Variants in HERC1 observed in about 807,000 individuals in gnomAD.
HERC1 encodes the protein probable E3 ubiquitin-protein ligase HERC1.
Under a neutral mutation model 554.3 loss-of-function variants are expected in HERC1, and 160 were observed. The ratio of observed to expected loss-of-function variants is 0.29; its 90% CI spans 0.25 to 0.33. HERC1 has a LOEUF of 0.33. HERC1 is among the 10% of genes least tolerant of loss of function. The probability of loss-of-function intolerance (pLI) is 1.00; values close to 1 mark genes in which losing one functional copy is unlikely to be tolerated. For missense variants in HERC1, 4,919 were observed against 5,918.5 expected, an observed-to-expected ratio of 0.83 and a Z score of 5.54; for synonymous variants, 2,175 against 2,131.7, an observed-to-expected ratio of 1.02 and a Z score of -0.56.
At position 63,674,993 on chromosome 15, in the gene HERC1, G is replaced by A. The variant is rs2071121171; in HGVS notation, c.7195C>T (p.Leu2399Phe). 2 of 1,613,924 alleles carry A rather than the reference G, an allele frequency of 1.2e-6. No individual in the cohort carries two copies. Among genetic ancestry groups the A allele is most frequent in the African/African-American group, 1.3e-5 (1 of 74,934 alleles). ...CCCATGTCTTCATGAACGCCAGTGA[G>A]ATATGTTAGGTCCAGCAGCACAGAA... ...TASVLLDLTY[L>F]TGVHEDMGKQ... The change falls in exon 38 of 78, where the codon CTC becomes TTC. Residue 2399 changes from leucine to phenylalanine, a missense_variant. Transcript: ENST00000443617.
chr15:63,712,812 A>C lies in HERC1; in HGVS notation c.4547T>G (p.Leu1516Trp). Residue 1516 changes from leucine to tryptophan, a missense_variant, in exon 24 of 78, where the codon TTG (leucine) becomes TGG (tryptophan). Transcript: ENST00000443617. The part of the protein sequence containing the change: ...RLIKSRSESD[L>W]SQPESDEEGY... ...CTCTTCATCTGATTCAGGCTGAGACAAATCAGATTCACTCCTCGATTTGAT... is the reference window on the plus strand; with the variant it reads ...CTCTTCATCTGATTCAGGCTGAGACCAATCAGATTCACTCCTCGATTTGAT... 1 of 1,613,820 alleles carries C rather than the reference A, an allele frequency of 6.2e-7. No individual in the cohort carries two copies. The highest frequency in any genetic ancestry group is 8.5e-7 in the Non-Finnish European group (1 of 1,179,748).
intron 12 of HERC1, among the ~76,000 whole-genome samples, chr15:63,735,869 T>C (rs979407434): frequency 6.6e-6 from 1 of 152,182 alleles, no homozygotes; most frequent in Non-Finnish European, 1.5e-5. Context: ...GACAAATCTT[T>C]AATGACTTTC....
Position 63,615,804 on chromosome 15 carries a change from C to T in HERC1, c.14058G>A (p.Arg4686=), listed in dbSNP as rs368591079. The T allele has an allele frequency of 1.6e-5, 25 of 1,605,700 alleles. No individual in the cohort carries two copies. Among genetic ancestry groups the T allele is most frequent in the Non-Finnish European group, 2.1e-5 (25 of 1,177,272 alleles). Residue 4686 remains arginine, a synonymous_variant, in exon 76 of 78, where the codon AGG becomes AGA. Transcript: ENST00000443617. The part of the protein sequence containing the change: ...TFSNRKEYVE[R]AIEYRLHEMD... ...TCTCATGAAGTCGATATTCAATGGCCCTCTCCACATATTCCTTCCTGTTGG... is the reference window on the plus strand; with the variant it reads ...TCTCATGAAGTCGATATTCAATGGCTCTCTCCACATATTCCTTCCTGTTGG...
chr15:63,653,665 A>C (rs1339408667), intron 51 of HERC1, among the ~76,000 whole-genome samples: 1 of 152,178 alleles, frequency 6.6e-6, no homozygotes. Context: ...ATGTAATTTA[A>C]ATCATCTCAT....
chr15:63,658,468 C>G (rs750957858), intron 48 of HERC1, 76 bp downstream of exon 48: 12 of 1,350,560 alleles, frequency 8.9e-6, no homozygotes, highest in African/African-American at 1.5e-5. Context: ...ATCTCACCCT[C>G]CCAAACACCA....
intron 3 of HERC1, among the ~76,000 whole-genome samples, chr15:63,763,734 C>T (rs769089038): frequency 5.1e-4 from 77 of 151,810 alleles, no homozygotes; most frequent in Non-Finnish European, 9.4e-4. Context: ...AGGGCTTCTG[C>T]AATGACTAAG....
At position 63,651,346 on chromosome 15, in the gene HERC1, T is replaced by G. The variant is rs2069665070; in HGVS notation, c.10453A>C (p.Ser3485Arg). ...GDAEESLGSP[S>R]DPSFSPVSWS... is the part of the protein sequence containing the mutation. Reference sequence around the variant, plus strand: ...GAAACTGGTGAGAAACTTGGATCACTGGGTGATCCCAGGCTTTCCTCAGCA... The same window carrying G: ...GAAACTGGTGAGAAACTTGGATCACGGGGTGATCCCAGGCTTTCCTCAGCA... Residue 3485 changes from serine to arginine, a missense_variant, in exon 53 of 78, where the codon AGT becomes CGT. Physicochemically the swap from Ser to Arg is moderately radical, Grantham distance 110. Around this residue, in one of 11 missense-constraint regions of HERC1, gnomAD observed 1,963 missense variants for 2,228.6 expected, o/e 0.88. Coordinates refer to ENST00000443617, the MANE Select transcript of HERC1 (RefSeq NM_003922.4). 6.2e-7 allele frequency: 1 copy of G among 1,612,602 alleles called. No homozygotes were observed. Among genetic ancestry groups the G allele is most frequent in the Non-Finnish European group, 8.5e-7 (1 of 1,178,574 alleles).
rs192114590 is a variant in HERC1, at chr15:63,731,705, A to C, written c.2868+1219T>G. ...GTATTGGAAGAAAAAGAGTACGTAGACCAGACCCTGAAGAGCCACAGGAAA... is the reference window on the plus strand; with the variant it reads ...GTATTGGAAGAAAAAGAGTACGTAGCCCAGACCCTGAAGAGCCACAGGAAA... On this transcript the variant is annotated intron_variant, in intron 14 of 77. Transcript: ENST00000443617. 2.3e-3 allele frequency among the ~76,000 whole-genome samples: 351 copies of C among 152,314 alleles called. 1 individual carries two copies. The highest frequency in any genetic ancestry group is 8.0e-3 in the African/African-American group (331 of 41,554).
chr15:63,609,123 C>T lies in HERC1; in HGVS notation c.14544G>A (p.Ser4848=), dbSNP rs773811862. ...RSIDMDNYML[S]RNVDNAEGSD... ...AGCCCTCGGCGTTGTCCACGTTTCTCGAGAGCATGTAGTTGTCCATGTCGA... is the reference window on the plus strand; with the variant it reads ...AGCCCTCGGCGTTGTCCACGTTTCTTGAGAGCATGTAGTTGTCCATGTCGA... The change falls in exon 78 of 78, where the codon TCG becomes TCA. Residue 4848 remains serine, a synonymous_variant. Coordinates refer to ENST00000443617, the MANE Select transcript of HERC1 (RefSeq NM_003922.4). 7.4e-6 allele frequency: 12 copies of T among 1,613,774 alleles called. No homozygotes were observed. Among genetic ancestry groups the T allele is most frequent in the African/African-American group, 2.7e-5 (2 of 74,940 alleles).
In HERC1 at chr15:63,652,870, G is replaced by A. The variant is rs138325997; in HGVS notation, c.10291-329C>T. ...TCGCCATGATGGCCAGGCTGGTCTCGAATGCCTGGCCTCAAGTGATCCGCC... is the reference window on the plus strand; with the variant it reads ...TCGCCATGATGGCCAGGCTGGTCTCAAATGCCTGGCCTCAAGTGATCCGCC... On this transcript the variant is annotated intron_variant, in intron 51 of 77. Coordinates refer to ENST00000443617, the MANE Select transcript of HERC1 (RefSeq NM_003922.4). Among the ~76,000 whole-genome samples, 933 of 152,162 alleles carry A rather than the reference G, an allele frequency of 6.1e-3. 12 individuals carry two copies. Among genetic ancestry groups the A allele is most frequent in the African/African-American group, 0.021 (892 of 41,490 alleles).
At chr15:63,613,273 G>A (rs2067679542) in intron 76 of HERC1, among the ~76,000 whole-genome samples, 1 of 152,194 alleles carries the variant, frequency 6.6e-6, no homozygotes, top group Admixed American at 6.5e-5. Flanking sequence ...CTGTGTGACT[G>A]GGTAATTCTA....
rs549000849 is a variant in HERC1, at chr15:63,833,345, C to T, written c.-27+482G>A. On this transcript the variant is annotated intron_variant, in intron 1 of 77. Coordinates refer to ENST00000443617, the MANE Select transcript of HERC1 (RefSeq NM_003922.4). ...GTCCCAGCCTCCACCCCGCTAAAGG[C>T]GGCCGGCGCCTGGGGACACCGGGGT... is the stretch of plus-strand genomic sequence containing the variant. Among the ~76,000 whole-genome samples, 208 of 152,324 alleles carry T rather than the reference C, an allele frequency of 1.4e-3. 1 individual carries two copies. Among genetic ancestry groups the T allele is most frequent in the South Asian group, 9.5e-3 (46 of 4,826 alleles).
intron 1 of HERC1, among the ~76,000 whole-genome samples, chr15:63,804,264 G>A (rs903008209): frequency 2.0e-5 from 3 of 152,168 alleles, no homozygotes; most frequent in African/African-American, 7.2e-5. Flanking sequence ...AGCTAGACCT[G>A]ATCTAAATTA....
intron 1 of HERC1, among the ~76,000 whole-genome samples, chr15:63,811,400 T>C (rs752073704): frequency 1.3e-5 from 2 of 152,160 alleles, no homozygotes; most frequent in Non-Finnish European, 2.9e-5. Flanking sequence ...TTTGTGAATC[T>C]AGGTGAAAAG....
rs752224312 is a variant in HERC1, at chr15:63,652,519, T to C, written c.10313A>G (p.Asn3438Ser). 4 of 1,599,408 alleles carry C rather than the reference T, an allele frequency of 2.5e-6. No individual in the cohort carries two copies. The South Asian group carries it at 4.5e-5, about 18-fold the overall frequency. ...ACTTGTAGCCAAAAGACCTTTTTTATTACACCAAACACATGTCATTACCTA... is the reference window on the plus strand; with the variant it reads ...ACTTGTAGCCAAAAGACCTTTTTTACTACACCAAACACATGTCATTACCTA... Reference protein sequence around the residue: ...QNRVMTCVWCNKKGLLATSGN... With the variant: ...QNRVMTCVWCSKKGLLATSGN... Residue 3438 changes from asparagine to serine, a missense_variant, in exon 52 of 78, where the codon AAT becomes AGT. By Grantham distance (46) the Asn-to-Ser change is conservative. Coordinates refer to ENST00000443617, the MANE Select transcript of HERC1 (RefSeq NM_003922.4).
intron 25 of HERC1, among the ~76,000 whole-genome samples, chr15:63,701,641 C>T (rs1350824293): frequency 6.6e-6 from 1 of 152,034 alleles, no homozygotes; most frequent in African/African-American, 2.4e-5. Context: ...TCTGCTGAGC[C>T]CTAACGGATG....
intron 1 of HERC1, among the ~76,000 whole-genome samples, chr15:63,781,098 T>C (rs2076275825): frequency 6.6e-6 from 1 of 152,260 alleles, no homozygotes; most frequent in Non-Finnish European, 1.5e-5. Flanking sequence ...AAAGGGTTAC[T>C]TGGTAATGAT....
chr15:63,826,589 T>C (rs968556262), intron 1 of HERC1, among the ~76,000 whole-genome samples: 1 of 151,620 alleles, frequency 6.6e-6, no homozygotes, highest in African/African-American at 2.4e-5. Context: ...ATGCAAAATG[T>C]TAAAATGAAC....
intron 51 of HERC1, among the ~76,000 whole-genome samples, chr15:63,653,892 C>T (rs1159409433): frequency 2.0e-5 from 3 of 152,158 alleles, no homozygotes; most frequent in Non-Finnish European, 4.4e-5. Flanking sequence ...TTCTTCTCAT[C>T]CCCCATCCAA....
Sources: gnomAD v4.1 joint callset for allele counts (sites outside exome capture counted in the v4.1 genomes callset) on GRCh38, gnomAD v4.1.1 for gene constraint, gnomAD v4.1.1 regional missense constraint, MANE v1.5 for transcripts, NCBI Gene and HGNC (gene_info 2026-07-23, HGNC 2026-07-21) for gene names.